SLC4A7: variants seen among roughly 807,000 people sequenced by gnomAD.
The protein encoded by SLC4A7 is solute carrier family 4 member 7.
SLC4A7 carries 51 observed loss-of-function variants against 137.6 expected under a neutral mutation model. The observed-to-expected ratio is 0.37, with a 90% CI of 0.30 to 0.47. The LOEUF (loss-of-function observed/expected upper bound fraction) is 0.47. Among genes scored for constraint, SLC4A7 ranks in the 20% least tolerant of loss-of-function variants. The probability of loss-of-function intolerance (pLI) is 1.00; values close to 1 mark genes in which losing one functional copy is unlikely to be tolerated. For synonymous variants in SLC4A7, 542 were observed against 518.6 expected (o/e 1.05, Z -0.61); for missense variants, 1,247 against 1,525.4 (o/e 0.82, Z 3.04).
At chr3:27,483,352 G>C (rs1170041447) in intron 1 of SLC4A7, among the ~76,000 whole-genome samples, 1 of 152,226 alleles carries the variant, frequency 6.6e-6, no homozygotes, top group East Asian at 1.9e-4. Flanking sequence ...AGCTGAGTTA[G>C]AGAAGGAGCA....
intron 1 of SLC4A7, among the ~76,000 whole-genome samples, chr3:27,481,681 G>C (rs187002112): frequency 6.6e-6 from 1 of 152,232 alleles, no homozygotes; most frequent in African/African-American, 2.4e-5. Context: ...TACTGTATTT[G>C]ATTTCTATTA....
At chr3:27,446,888 T>G (rs1295780096) in intron 3 of SLC4A7, among the ~76,000 whole-genome samples, 7 of 76,458 alleles carry the variant, frequency 9.2e-5, no homozygotes, top group South Asian at 5.8e-4. Context: ...TTTTTTTGTT[T>G]TTTTTGTTTT....
intron 1 of SLC4A7, among the ~76,000 whole-genome samples, chr3:27,474,666 C>G (rs1369585114): frequency 6.6e-6 from 1 of 152,006 alleles, no homozygotes; most frequent in Non-Finnish European, 1.5e-5. Flanking sequence ...CCATTGCACT[C>G]CAGCTTGTGC....
intron 6 of SLC4A7, chr3:27,433,065 T>G (rs1246767328): frequency 6.6e-6 from 1 of 152,184 alleles, no homozygotes; most frequent in Non-Finnish European, 1.5e-5. Context: ...TTAGAAAAAC[T>G]AGACCCTATC....
intron 4 of SLC4A7, among the ~76,000 whole-genome samples, chr3:27,437,039 C>T (rs1410078374): frequency 5.9e-5 from 9 of 152,118 alleles, no homozygotes; most frequent in African/African-American, 2.2e-4. Context: ...AAAAAGAAAT[C>T]AAGTAATGCC....
In SLC4A7 at chr3:27,379,578, A is replaced by C. The variant is rs372694461; in HGVS notation, c.3591-222T>G. Among the ~76,000 whole-genome samples the C allele has an allele frequency of 2.6e-5, 4 of 152,318 alleles. No homozygotes were observed. The East Asian group carries it at 7.7e-4, about 29-fold the overall frequency. ...TAAGTTAGCAAGATTTATTTATGGA[A>C]CTTTGCTTCAGAATCCAATTTGGGG... On this transcript the variant is annotated intron_variant, in intron 24 of 25. Transcript: ENST00000454389.
At chr3:27,433,809 G>A (rs908468413) in intron 6 of SLC4A7, 107 bp downstream of exon 6, 29 of 873,822 alleles carry the variant, frequency 3.3e-5, no homozygotes, top group Non-Finnish European at 4.6e-5. Context: ...GTAATTCAGA[G>A]GTAGGTATAG....
chr3:27,438,592 AAAT>A (rs1325543029), intron 3 of SLC4A7, among the ~76,000 whole-genome samples: 1 of 147,050 alleles, frequency 6.8e-6, no homozygotes, highest in East Asian at 1.9e-4. Flanking sequence ...ACATAAAATA[AAAT>A]AACATAACAT....
At chr3:27,403,811 C>G (rs896664003) in intron 14 of SLC4A7, among the ~76,000 whole-genome samples, 5 of 152,158 alleles carry the variant, frequency 3.3e-5, no homozygotes, top group African/African-American at 1.2e-4. Context: ...CCAGCTCCAA[C>G]ATCATTACCA....
At chr3:27,476,910 A>C (rs373877535) in intron 1 of SLC4A7, among the ~76,000 whole-genome samples, 1 of 152,124 alleles carries the variant, frequency 6.6e-6, no homozygotes, top group African/African-American at 2.4e-5. Flanking sequence ...TATTTGTTCA[A>C]TGTGTAAAAC....
intron 5 of SLC4A7, among the ~76,000 whole-genome samples, chr3:27,434,648 T>G (rs1231415697): frequency 6.6e-6 from 1 of 152,124 alleles, no homozygotes; most frequent in Non-Finnish European, 1.5e-5. Context: ...TCATAAGTTC[T>G]AGGAAGAGGA....
rs1282862931 is a variant in SLC4A7, at chr3:27,397,807, A to G, written c.2590-10T>C. 2.8e-6 allele frequency: 4 copies of G among 1,430,908 alleles called. No homozygotes were observed. Among genetic ancestry groups the G allele is most frequent in the Non-Finnish European group, 3.9e-6 (4 of 1,018,942 alleles). The allele number at this position is 1,430,908 out of a possible 1,614,324, so 88.6% of individuals were successfully genotyped here. A position where few individuals can be genotyped will look rare whatever the true frequency, so the allele number is the denominator to read the frequency against. Reference sequence around the variant, plus strand: ...TGATTGTCGATCGCACCTATGTTAAAGGGATTATGTTAATATAAACACAGA... The same window carrying G: ...TGATTGTCGATCGCACCTATGTTAAGGGGATTATGTTAATATAAACACAGA... On this transcript the variant is annotated splice_polypyrimidine_tract_variant and intron_variant, in intron 17 of 25. Coordinates refer to ENST00000454389, the MANE Select transcript of SLC4A7 (RefSeq NM_001321103.2).
At chr3:27,472,510 A>C (rs1393608281) in intron 1 of SLC4A7, among the ~76,000 whole-genome samples, 2 of 151,212 alleles carry the variant, frequency 1.3e-5, no homozygotes, top group Non-Finnish European at 2.9e-5. Context: ...ATATATAAAA[A>C]CAAAATAAAA....
intron 14 of SLC4A7, among the ~76,000 whole-genome samples, chr3:27,404,508 C>T (rs1490675098): frequency 6.6e-6 from 1 of 152,236 alleles, no homozygotes; most frequent in Admixed American, 6.5e-5. Context: ...ACTCTGATTG[C>T]TTCAACCCAA....
intron 1 of SLC4A7, among the ~76,000 whole-genome samples, chr3:27,461,665 G>A (rs2058706543): frequency 6.6e-6 from 1 of 151,218 alleles, no homozygotes; most frequent in African/African-American, 2.4e-5. Flanking sequence ...AATGGATTAG[G>A]AATATGAACC....
chr3:27,394,839 T>C, intron 19 of SLC4A7, 70 bp from the exon 20 acceptor site: 2 of 1,562,224 alleles, frequency 1.3e-6, no homozygotes, highest in Non-Finnish European at 1.7e-6. Flanking sequence ...TCTACACGAA[T>C]TATAAAGAGG....
chr3:27,469,181 C>T (rs925194617), intron 1 of SLC4A7, among the ~76,000 whole-genome samples: 2 of 152,134 alleles, frequency 1.3e-5, no homozygotes, highest in African/African-American at 4.8e-5. Context: ...TTTTCCTGTG[C>T]TCTCACAACA....
chr3:27,414,288 A>T (rs781374255), intron 11 of SLC4A7, among the ~76,000 whole-genome samples: 6 of 152,154 alleles, frequency 3.9e-5, no homozygotes, highest in Non-Finnish European at 8.8e-5. Flanking sequence ...CTCAAAAAAA[A>T]TAATAAAATA....
chr3:27,419,851 A>G (rs1173975475), intron 10 of SLC4A7, among the ~76,000 whole-genome samples: 1 of 152,074 alleles, frequency 6.6e-6, no homozygotes, highest in East Asian at 1.9e-4. Context: ...TGCAAAACAC[A>G]TTGAAGAGGT....
Sources: allele counts gnomAD v4.1 joint callset (sites outside exome capture counted in the v4.1 genomes callset), GRCh38; gene constraint gnomAD v4.1.1; transcripts MANE v1.5; gene names NCBI Gene and HGNC (gene_info 2026-07-23, HGNC 2026-07-21).